Variants in SLC17A4 observed in about 807,000 individuals in gnomAD.
SLC17A4 encodes probable small intestine urate exporter.
SLC17A4 carries 33 observed loss-of-function variants against 52.5 expected under a neutral mutation model. The observed-to-expected ratio is 0.63, with a 90% CI of 0.48 to 0.84. The LOEUF is 0.84. SLC17A4 is among the 40% of genes least tolerant of loss of function. The pLI is 0.00. For synonymous variants in SLC17A4, 225 were observed against 216.2 expected, an observed-to-expected ratio of 1.04 and a Z score of -0.36; for missense variants, 585 against 597.1, an observed-to-expected ratio of 0.98 and a Z score of 0.21.
intron 6 of SLC17A4, among the ~76,000 whole-genome samples, chr6:25,772,983 T>C (rs1241300602): frequency 1.3e-5 from 2 of 152,232 alleles, no homozygotes; most frequent in African/African-American, 4.8e-5. Context: ...AGCTGGAGCA[T>C]AGTCTTCCAA....
chr6:25,778,121 C>A, intron 11 of SLC17A4, 105 bp downstream of exon 11: 2 of 690,512 alleles, frequency 2.9e-6, no homozygotes, highest in South Asian at 2.3e-5. Context: ...TTAAAGTAGT[C>A]AAAAATAAAC....
chr6:25,763,645 TG>T (rs140354972), intron 2 of SLC17A4, among the ~76,000 whole-genome samples: 1,851 of 152,256 alleles, frequency 0.012, 34 homozygotes, highest in African/African-American at 0.041. Flanking sequence ...CCATGGGATG[TG>T]GAGAAATGCC....
intron 8 of SLC17A4, 82 bp downstream of exon 8, chr6:25,773,756 C>G: frequency 6.9e-7 from 1 of 1,458,564 alleles, no homozygotes; most frequent in South Asian, 1.3e-5. Flanking sequence ...CTGTCTGTCC[C>G]ATAGTCACAA....
chr6:25,768,044 G>A (rs916550055), intron 2 of SLC17A4, among the ~76,000 whole-genome samples: 2 of 152,160 alleles, frequency 1.3e-5, no homozygotes, highest in African/African-American at 2.4e-5. Context: ...TTCTTGACTA[G>A]AAGACAATCC....
intron 2 of SLC17A4, among the ~76,000 whole-genome samples, chr6:25,767,145 A>G (rs781034166): frequency 2.6e-5 from 4 of 152,162 alleles, no homozygotes; most frequent in Non-Finnish European, 5.9e-5. Context: ...AACATTTCAG[A>G]TCACAGATTG....
chr6:25,767,065 T>C (rs1762083699), intron 2 of SLC17A4, among the ~76,000 whole-genome samples: 1 of 152,154 alleles, frequency 6.6e-6, no homozygotes. Context: ...ATAGAGGAAC[T>C]CAACAATTCT....
At chr6:25,775,523 C>G (rs1334766121) in intron 8 of SLC17A4, among the ~76,000 whole-genome samples, 1 of 152,036 alleles carries the variant, frequency 6.6e-6, no homozygotes, top group Middle Eastern at 3.2e-3. Flanking sequence ...AAAGCTTCGA[C>G]CTCCCAGGCT....
intron 11 of SLC17A4, 45 bp downstream of exon 11, chr6:25,778,061 G>A: frequency 1.5e-6 from 2 of 1,291,336 alleles, no homozygotes; most frequent in Non-Finnish European, 2.2e-6. Context: ...GAAACCTATA[G>A]AGGCATGGTT....
chr6:25,777,268 A>G (rs1561814846), intron 10 of SLC17A4: 1 of 308,826 alleles, frequency 3.2e-6, no homozygotes, highest in Admixed American at 4.7e-5. Context: ...CACTGAAAGA[A>G]ATCTTGAGAT....
chr6:25,759,776 GT>G (rs1761370711), intron 1 of SLC17A4, among the ~76,000 whole-genome samples: 1 of 150,450 alleles, frequency 6.6e-6, no homozygotes, highest in Non-Finnish European at 1.5e-5. Flanking sequence ...TAGATGTTAG[GT>G]GAATCTCTTG....
At chr6:25,756,514 C>T (rs1464374668) in intron 1 of SLC17A4, among the ~76,000 whole-genome samples, 1 of 152,050 alleles carries the variant, frequency 6.6e-6, no homozygotes, top group East Asian at 1.9e-4. Flanking sequence ...CATATGTGCC[C>T]CTCCTGGGAT....
chr6:25,762,181 C>A, intron 2 of SLC17A4, 128 bp downstream of exon 2: 1 of 692,590 alleles, frequency 1.4e-6, no homozygotes, highest in Non-Finnish European at 2.4e-6. Context: ...TTGCTACCAC[C>A]AATTGCCAAT....
chr6:25,772,604 C>T (rs1762572512), intron 6 of SLC17A4, among the ~76,000 whole-genome samples: 1 of 152,130 alleles, frequency 6.6e-6, no homozygotes, highest in Non-Finnish European at 1.5e-5. Flanking sequence ...AATGTCTTTG[C>T]TGAGGATTCA....
chr6:25,757,334 C>G (rs563366184), intron 1 of SLC17A4, among the ~76,000 whole-genome samples: 1 of 152,210 alleles, frequency 6.6e-6, no homozygotes, highest in South Asian at 2.1e-4. Context: ...TTCACCAGCA[C>G]CTACTGCTTA....
chr6:25,757,458 T>C (rs998193438), intron 1 of SLC17A4, among the ~76,000 whole-genome samples: 1 of 152,036 alleles, frequency 6.6e-6, no homozygotes, highest in Non-Finnish European at 1.5e-5. Context: ...TTATTTGTAG[T>C]CTTCAAATAA....
chr6:25,779,267 C>T lies in SLC17A4; in HGVS notation c.*79C>T. ...CACAGACATTTCTCTTTCATGCCTGCTTGACTGATAAGCCATTAGCTAGAC... is the reference window on the plus strand; with the variant it reads ...CACAGACATTTCTCTTTCATGCCTGTTTGACTGATAAGCCATTAGCTAGAC... On this transcript the variant is annotated 3_prime_UTR_variant, in exon 12 of 12. Transcript: ENST00000377905. 2 of 1,570,890 alleles carry T rather than the reference C, an allele frequency of 1.3e-6. No individual in the cohort carries two copies. Among genetic ancestry groups the T allele is most frequent in the South Asian group, 2.3e-5 (2 of 85,562 alleles).
At position 25,773,632 on chromosome 6, in the gene SLC17A4, A is replaced by G; in HGVS notation, c.945A>G (p.Thr315=). 1 of 1,613,846 alleles carries G rather than the reference A, an allele frequency of 6.2e-7. No individual in the cohort carries two copies. Among genetic ancestry groups the G allele is most frequent in the Non-Finnish European group, 8.5e-7 (1 of 1,179,832 alleles). ...TTTTTTATACCATTATGGCGTACAC[A>G]CCAACGTACATCAGCTCGGTACTTC... The part of the protein sequence containing the change: ...YWLFYTIMAY[T]PTYISSVLQA... The change falls in exon 8 of 12, where the codon ACA becomes ACG. Residue 315 remains threonine, a synonymous_variant. Transcript: ENST00000377905.
At chr6:25,777,210 C>T in intron 10 of SLC17A4, 1 of 450,992 alleles carries the variant, frequency 2.2e-6, no homozygotes, top group East Asian at 3.7e-5. Context: ...GGGAGACTCA[C>T]ACAAACCTCT....
At chr6:25,769,228 A>T in intron 3 of SLC17A4, 38 bp downstream of exon 3, 1 of 1,548,490 alleles carries the variant, frequency 6.5e-7, no homozygotes. Flanking sequence ...TCTTTGACTC[A>T]AATAATTTGA....
Sources: gnomAD v4.1 joint callset for allele counts (sites outside exome capture counted in the v4.1 genomes callset) on GRCh38, gnomAD v4.1.1 for gene constraint, MANE v1.5 for transcripts, NCBI Gene and HGNC (gene_info 2026-07-23, HGNC 2026-07-21) for gene names.